TENM2: variants seen among roughly 807,000 people sequenced by gnomAD.
TENM2 encodes the protein teneurin-2.
In TENM2, 52 loss-of-function variants were observed where a neutral mutation model predicts 245.2. That is an observed-to-expected ratio of 0.21 (90% confidence interval 0.17 to 0.27). The LOEUF (loss-of-function observed/expected upper bound fraction) is 0.27. Ranked by LOEUF, TENM2 falls within the 10% of genes least tolerant of loss-of-function variation. The pLI is 1.00. For missense variants in TENM2, 3,046 were observed against 3,666.8 expected, an observed-to-expected ratio of 0.83 and a Z score of 4.37; for synonymous variants, 1,363 against 1,438.9, an observed-to-expected ratio of 0.95 and a Z score of 1.19.
the TENM2 span, among the ~76,000 whole-genome samples, chr5:167,224,407 G>T: frequency 6.6e-6 from 1 of 151,974 alleles, no homozygotes; most frequent in African/African-American, 2.4e-5. Context: ...TTCTGCATAT[G>T]ATTATTGAGT....
chr5:167,070,300 T>G, the TENM2 span, among the ~76,000 whole-genome samples: 1 of 143,544 alleles, frequency 7.0e-6, no homozygotes, highest in Non-Finnish European at 1.5e-5. Context: ...TTTTTTTTTT[T>G]TTGTATTTTT....
Position 168,244,716 on chromosome 5 carries a change from G to T in TENM2, c.5817G>T (p.Lys1939Asn), listed in dbSNP as rs751273988. 1.9e-5 allele frequency: 28 copies of T among 1,439,274 alleles called. No individual in the cohort carries two copies. The Admixed American group carries it at 7.0e-4, about 36-fold the overall frequency. 89.2% of individuals were successfully genotyped at this position (1,439,274 alleles called of 1,614,324 possible). A position where few individuals can be genotyped will look rare whatever the true frequency, so the allele number is the denominator to read the frequency against. ...TGTGGAGCTACTCCTACCTTGACAA[G>T]GTAGGTGAACATGCTGCCCTGACAG... The change falls in exon 26 of 29, where the codon AAG becomes AAT. Residue 1939 changes from lysine (K) to asparagine (N), a missense_variant and splice_region_variant. By Grantham distance (94) the Lys-to-Asn change is moderately conservative (BLOSUM62 0). Around this residue, in one of 2 missense-constraint regions of TENM2, gnomAD observed 2,704 missense variants for 3,331.9 expected, o/e 0.81. Transcript: ENST00000518659. This position sits in a 1 kb window ranked among gnomAD's most constrained non-coding sequence, Gnocchi z 4.9.
chr5:167,003,468 T>C, the TENM2 span, among the ~76,000 whole-genome samples: 2 of 152,232 alleles, frequency 1.3e-5, no homozygotes, highest in African/African-American at 4.8e-5. Context: ...GGTCAGTTTA[T>C]ATTTCCTCAT....
chr5:168,085,630 C>G (rs1177004762), intron 7 of TENM2: 1 of 152,254 alleles, frequency 6.6e-6, no homozygotes, highest in Non-Finnish European at 1.5e-5. Context: ...GCACTCAGCC[C>G]CTTTGAAGGA....
At chr5:168,215,366 C>T (rs1763098125) in intron 21 of TENM2, 94 bp downstream of exon 23, 3 of 953,578 alleles carry the variant, frequency 3.1e-6, no homozygotes, top group Non-Finnish European at 5.0e-6. Context: ...GTCCAGCAGT[C>T]CAAAACACAG....
intron 2 of TENM2, among the ~76,000 whole-genome samples, chr5:167,421,972 A>G (rs2127425074): frequency 6.6e-6 from 1 of 152,186 alleles, no homozygotes; most frequent in African/African-American, 2.4e-5. Context: ...TTGTATTTTT[A>G]GTAGAGACGG....
intron 2 of TENM2, among the ~76,000 whole-genome samples, chr5:167,536,469 AT>A (rs917219761): frequency 4.7e-5 from 7 of 149,186 alleles, no homozygotes; most frequent in African/African-American, 1.2e-4. Context: ...AAAAAAAAAA[AT>A]AACCCTTTAA....
chr5:168,240,521 TGA>T (rs1765986813), intron 25 of TENM2, among the ~76,000 whole-genome samples: 1 of 152,166 alleles, frequency 6.6e-6, no homozygotes, highest in African/African-American at 2.4e-5. Context: ...AATGCCTGCC[TGA>T]GAGTGTTGTT....
the TENM2 span, among the ~76,000 whole-genome samples, chr5:167,151,629 C>T: frequency 1.3e-5 from 2 of 152,250 alleles, no homozygotes; most frequent in East Asian, 1.9e-4. Flanking sequence ...TGCCATTCTC[C>T]TGCCTCAGCC....
At chr5:167,442,785 G>C (rs796972302) in intron 2 of TENM2, among the ~76,000 whole-genome samples, 3 of 152,100 alleles carry the variant, frequency 2.0e-5, no homozygotes, top group African/African-American at 7.2e-5. Context: ...CATTCAGTAG[G>C]TTAAAAAATT....
chr5:168,012,882 C>G (rs1186598715), intron 5 of TENM2, among the ~76,000 whole-genome samples: 2 of 151,642 alleles, frequency 1.3e-5, no homozygotes, highest in African/African-American at 4.8e-5. Flanking sequence ...ATCGTTTCTG[C>G]TGCTCAGTGA....
At chr5:167,892,325 T>C (rs1196253543) in intron 3 of TENM2, among the ~76,000 whole-genome samples, 1 of 152,218 alleles carries the variant, frequency 6.6e-6, no homozygotes, top group Non-Finnish European at 1.5e-5. Context: ...TATGCAGGCC[T>C]AGAGTAGTAA....
the TENM2 span, among the ~76,000 whole-genome samples, chr5:167,195,037 A>T: frequency 6.6e-6 from 1 of 152,022 alleles, no homozygotes; most frequent in Non-Finnish European, 1.5e-5. Context: ...TGGGTTTATG[A>T]TATATTTATA....
At chr5:168,130,760 G>A (rs192758334) in intron 12 of TENM2, among the ~76,000 whole-genome samples, 7 of 152,220 alleles carry the variant, frequency 4.6e-5, no homozygotes, top group Admixed American at 2.0e-4. Context: ...ATGGTGGTAC[G>A]TGCCTGTAGT....
chr5:168,152,076 A>G (rs182417518), intron 12 of TENM2, among the ~76,000 whole-genome samples: 1 of 152,318 alleles, frequency 6.6e-6, no homozygotes, highest in East Asian at 1.9e-4. Flanking sequence ...TGGCCAAATT[A>G]CTTAACTTTT....
At chr5:167,258,133 C>A in the TENM2 span, among the ~76,000 whole-genome samples, 1 of 150,478 alleles carries the variant, frequency 6.6e-6, no homozygotes, top group African/African-American at 2.4e-5. Flanking sequence ...AAGAAATAGT[C>A]TTTTCCCAAT....
intron 2 of TENM2, among the ~76,000 whole-genome samples, chr5:167,434,064 T>G (rs1171211457): frequency 6.6e-6 from 1 of 152,140 alleles, no homozygotes; most frequent in Non-Finnish European, 1.5e-5. Flanking sequence ...ACATTTCAGA[T>G]ATCCTACTAC....
chr5:167,613,730 CT>C (rs1232020218), intron 2 of TENM2, among the ~76,000 whole-genome samples: 1 of 152,022 alleles, frequency 6.6e-6, no homozygotes, highest in African/African-American at 2.4e-5. Flanking sequence ...TGTTTGCTCC[CT>C]TTTCAAGAAA....
chr5:167,801,524 G>A (rs1322140092), intron 2 of TENM2, among the ~76,000 whole-genome samples: 2 of 152,106 alleles, frequency 1.3e-5, no homozygotes, highest in South Asian at 2.1e-4. Flanking sequence ...AGAGAATGGA[G>A]CTAGTACAAA....
Sources: allele counts gnomAD v4.1 joint callset (sites outside exome capture counted in the v4.1 genomes callset), GRCh38; gene constraint gnomAD v4.1.1; regional missense constraint gnomAD v4.1.1; non-coding constraint Gnocchi (gnomAD v3.1); transcripts MANE v1.5; gene names NCBI Gene and HGNC (gene_info 2026-07-23, HGNC 2026-07-21).